Variants in PCDHGB4 observed in about 807,000 individuals in gnomAD.
The protein encoded by PCDHGB4 is protocadherin gamma subfamily B, 4.
A neutral mutation model predicts 60.5 loss-of-function variants in PCDHGB4; 38 were observed. The ratio of observed to expected loss-of-function variants is 0.63; its 90% CI spans 0.48 to 0.82. PCDHGB4 has a LOEUF of 0.82. PCDHGB4 is among the 40% of genes least tolerant of loss of function. The probability of loss-of-function intolerance (pLI) is 0.00; values close to 1 mark genes in which losing one functional copy is unlikely to be tolerated. For synonymous variants in PCDHGB4, 456 were observed against 509.7 expected, an observed-to-expected ratio of 0.89 and a Z score of 1.42; for missense variants, 1,109 against 1,209.6, an observed-to-expected ratio of 0.92 and a Z score of 1.23.
intron 1 of PCDHGB4, among the ~76,000 whole-genome samples, chr5:141,457,517 TTAA>T (rs1261688593): frequency 6.6e-6 from 1 of 152,196 alleles, no homozygotes; most frequent in Non-Finnish European, 1.5e-5. Flanking sequence ...TTAAAAACAA[TTAA>T]TGAGACTAGG....
chr5:141,390,299 A>G lies in PCDHGB4; in HGVS notation c.2397+18A>G. 6.2e-7 allele frequency: 1 copy of G among 1,613,858 alleles called. No individual in the cohort carries two copies. The highest frequency in any genetic ancestry group is 8.5e-7 in the Non-Finnish European group (1 of 1,179,780). ...CCCATCAGGTGAGTTTCCTTTAAGT[A>G]TAATTTAATGCTCATTGCCTACCCA... On this transcript the variant is annotated intron_variant, in intron 1 of 3. Transcript: ENST00000519479.
chr5:141,422,276 T>G, intron 1 of PCDHGB4: 3 of 1,558,820 alleles, frequency 1.9e-6, no homozygotes, highest in South Asian at 1.3e-5. Context: ...GAAATAACTA[T>G]CACCTCTTCT....
At position 141,486,778 on chromosome 5, in the gene PCDHGB4, G is replaced by A. The variant is rs750169906; in HGVS notation, c.2398-8029G>A. The A allele has an allele frequency of 1.2e-6, 2 of 1,614,104 alleles. No individual in the cohort carries two copies. Among genetic ancestry groups the A allele is most frequent in the Admixed American group, 1.7e-5 (1 of 60,006 alleles). ...AAACCCAGACACTGCAGTTTGAGGT[G>A]CAGGCCCGGGATCGGGGCAACCCAC... is the stretch of plus-strand genomic sequence containing the variant. On this transcript the variant is annotated intron_variant, in intron 1 of 3. Coordinates refer to ENST00000519479, the MANE Select transcript of PCDHGB4 (RefSeq NM_003736.4). This position sits in a 1 kb window ranked among gnomAD's most constrained non-coding sequence, Gnocchi z 5.0.
intron 1 of PCDHGB4, chr5:141,391,966 T>A (rs1389260854): frequency 1.3e-5 from 2 of 152,162 alleles, no homozygotes; most frequent in African/African-American, 2.4e-5. Context: ...ACAATGTAAA[T>A]AAAATAGCAA....
chr5:141,503,763 T>C (rs1014883264), intron 2 of PCDHGB4, among the ~76,000 whole-genome samples: 1 of 152,174 alleles, frequency 6.6e-6, no homozygotes, highest in Non-Finnish European at 1.5e-5. Context: ...ATGGCAGCCT[T>C]GTGTCTGTTC....
rs758066525 is a variant in PCDHGB4, at chr5:141,477,331, T to C, written c.2398-17476T>C. The C allele has an allele frequency of 7.4e-6, 12 of 1,614,024 alleles. No individual in the cohort carries two copies. In the East Asian group the frequency reaches 1.1e-4, roughly 15 times the overall value. Reference sequence around the variant, plus strand: ...TCAGCCTTACTTCTTCCCTCAAGAATTACTTCACTTTGAAAACCAGTGCAG... The same window carrying C: ...TCAGCCTTACTTCTTCCCTCAAGAACTACTTCACTTTGAAAACCAGTGCAG... On this transcript the variant is annotated intron_variant, in intron 1 of 3. Coordinates refer to ENST00000519479, the MANE Select transcript of PCDHGB4 (RefSeq NM_003736.4). This position sits in a 1 kb window ranked among gnomAD's most constrained non-coding sequence, Gnocchi z 4.9.
chr5:141,472,412 G>A (rs1283620276), intron 1 of PCDHGB4, among the ~76,000 whole-genome samples: 8 of 151,940 alleles, frequency 5.3e-5, no homozygotes, highest in Non-Finnish European at 8.8e-5. Context: ...GTGGTGGCAC[G>A]CACCTGTATC....
intron 1 of PCDHGB4, chr5:141,408,627 T>A: frequency 6.2e-7 from 1 of 1,613,916 alleles, no homozygotes; most frequent in Admixed American, 1.7e-5. Flanking sequence ...CATTTAGAAA[T>A]TTTCGAATCT....
In PCDHGB4 at chr5:141,511,405, T is replaced by C. The variant is rs1274658643; in HGVS notation, c.*232T>C. The C allele has an allele frequency of 2.2e-5, 21 of 944,066 alleles. No homozygotes were observed. In the East Asian group the frequency reaches 5.8e-4, roughly 26 times the overall value. 58.5% of individuals were successfully genotyped at this position (944,066 alleles called of 1,614,324 possible). On this transcript the variant is annotated 3_prime_UTR_variant, in exon 4 of 4. Transcript: ENST00000519479. ...CGCTGGGAACCCCCATCCAATCAACTGCTGTACCCATGGGGGTAGTGGGGT... is the reference window on the plus strand; with the variant it reads ...CGCTGGGAACCCCCATCCAATCAACCGCTGTACCCATGGGGGTAGTGGGGT...
At chr5:141,417,854 C>G in intron 1 of PCDHGB4, 2 of 1,543,902 alleles carry the variant, frequency 1.3e-6, no homozygotes, top group Non-Finnish European at 1.8e-6. Flanking sequence ...AGAACCCGAG[C>G]GAACGATGGG....
At chr5:141,410,699 A>T (rs760193148) in intron 1 of PCDHGB4, 1 of 1,478,344 alleles carries the variant, frequency 6.8e-7, no homozygotes, top group East Asian at 2.3e-5. Flanking sequence ...CTTTATTTTC[A>T]TATCTAGAAT....
In PCDHGB4 at chr5:141,485,079, A is replaced by C; in HGVS notation, c.2398-9728A>C. ...AACCGCGCCAGAGCTGGCGCGGGGA[A>C]AGGGAGATAGGTGTCTCCAGCTGCT... is the stretch of plus-strand genomic sequence containing the variant. On this transcript the variant is annotated intron_variant, in intron 1 of 3. Transcript: ENST00000519479. This position sits in a 1 kb window ranked among gnomAD's most constrained non-coding sequence, Gnocchi z 5.7. 1 of 949,456 alleles carries C rather than the reference A, an allele frequency of 1.1e-6. No individual in the cohort carries two copies. The highest frequency in any genetic ancestry group is 1.6e-6 in the Non-Finnish European group (1 of 614,758). 58.8% of individuals were successfully genotyped at this position (949,456 alleles called of 1,614,324 possible).
chr5:141,403,438 T>G (rs759998240), intron 1 of PCDHGB4: 12 of 1,614,054 alleles, frequency 7.4e-6, no homozygotes, highest in Non-Finnish European at 8.5e-6. Flanking sequence ...ATCCGGATGT[T>G]GGCGTGAACT....
In PCDHGB4 at chr5:141,486,546, G is replaced by A. The variant is rs1156517969; in HGVS notation, c.2398-8261G>A. Reference sequence around the variant, plus strand: ...GATAATCCACCCTCTTTCTTTCAGAGGTCACATGAGGTGTTTGTTCCTGAG... The same window carrying A: ...GATAATCCACCCTCTTTCTTTCAGAAGTCACATGAGGTGTTTGTTCCTGAG... On this transcript the variant is annotated intron_variant, in intron 1 of 3. Coordinates refer to ENST00000519479, the MANE Select transcript of PCDHGB4 (RefSeq NM_003736.4). The surrounding 1 kb of genome is among the most constrained non-coding windows in gnomAD (Gnocchi z 5.0). 3 of 1,614,084 alleles carry A rather than the reference G, an allele frequency of 1.9e-6. No homozygotes were observed. The East Asian group carries it at 6.7e-5, about 36-fold the overall frequency.
Position 141,431,939 on chromosome 5 carries a change from T to A in PCDHGB4, c.2397+41658T>A, listed in dbSNP as rs1377573207. The A allele has an allele frequency of 2.2e-5, 35 of 1,613,996 alleles. No individual in the cohort carries two copies. The highest frequency in any genetic ancestry group is 2.9e-5 in the Non-Finnish European group (34 of 1,180,000). On this transcript the variant is annotated intron_variant, in intron 1 of 3. Coordinates refer to ENST00000519479, the MANE Select transcript of PCDHGB4 (RefSeq NM_003736.4). This position sits in a 1 kb window ranked among gnomAD's most constrained non-coding sequence, Gnocchi z 4.8. ...CATCCAAGGAAATCTGCCCTTTAAA[T>A]TAGAAAAATCTTACGGAAATTACTA...
At chr5:141,492,191 G>A (rs996614987) in intron 1 of PCDHGB4, among the ~76,000 whole-genome samples, 1 of 152,204 alleles carries the variant, frequency 6.6e-6, no homozygotes, top group African/African-American at 2.4e-5. Context: ...ACCTGTCTGC[G>A]GGACTTAGGT....
At chr5:141,480,738 T>C (rs2099524955) in intron 1 of PCDHGB4, among the ~76,000 whole-genome samples, 1 of 152,124 alleles carries the variant, frequency 6.6e-6, no homozygotes, top group Admixed American at 6.5e-5. Flanking sequence ...GGGTGGGACA[T>C]AGGCATCATT....
chr5:141,417,869 A>C, intron 1 of PCDHGB4: 2 of 1,553,552 alleles, frequency 1.3e-6, no homozygotes, highest in South Asian at 2.4e-5. Context: ...GATGGGAGGG[A>C]GCTGCGCGCA....
intron 1 of PCDHGB4, chr5:141,414,753 T>A: frequency 6.2e-7 from 1 of 1,614,202 alleles, no homozygotes; most frequent in Non-Finnish European, 8.5e-7. Flanking sequence ...CCTTCGACTA[T>A]GAGCAGTTTC....
Sources: allele counts gnomAD v4.1 joint callset (sites outside exome capture counted in the v4.1 genomes callset), GRCh38; gene constraint gnomAD v4.1.1; non-coding constraint Gnocchi (gnomAD v3.1); transcripts MANE v1.5; gene names NCBI Gene and HGNC (gene_info 2026-07-23, HGNC 2026-07-21).